The following WTAP variants were observed in gnomAD, a reference collection of about 807,000 sequenced individuals.
The protein encoded by WTAP is pre-mRNA-splicing regulator WTAP.
WTAP carries 8 observed loss-of-function variants against 50.0 expected under a neutral mutation model. The ratio of observed to expected loss-of-function variants is 0.16; its 90% CI spans 0.09 to 0.29. WTAP has a LOEUF of 0.29. Ranked by LOEUF, WTAP falls within the 10% of genes least tolerant of loss-of-function variation. The pLI is 1.00. For missense variants in WTAP, 295 were observed against 470.7 expected (o/e 0.63, Z 3.45); for synonymous variants, 194 against 169.0 (o/e 1.15, Z -1.15).
upstream of WTAP, chr6:159,727,374 T>TGGCAGGAGGCGAGAGGCGGGA: frequency 9.7e-7 from 1 of 1,032,510 alleles, no homozygotes; most frequent in Non-Finnish European, 1.2e-6. Flanking sequence ...GCGGGGAGGC[T>TGGCAGGAGGCGAGAGGCGGGA]GGCGGGAGGC....
intron 6 of WTAP, 133 bp from the exon 7 acceptor site, chr6:159,753,327 G>T: frequency 8.0e-7 from 1 of 1,254,336 alleles, no homozygotes; most frequent in East Asian, 2.5e-5. Context: ...CAGAAAAGAA[G>T]ATGGTAATTA....
Position 159,743,657 on chromosome 6 carries a change from A to C in WTAP, c.146-8A>C, listed in dbSNP as rs1199939691. 3 of 1,582,910 alleles carry C rather than the reference A, an allele frequency of 1.9e-6. No homozygotes were observed. The highest frequency in any genetic ancestry group is 1.4e-5 in the African/African-American group (1 of 73,100). ...AATTGTATTTATAATTTTTTTTTGA[A>C]TCATCAGCTAATGATGTAACTGGCC... On this transcript the variant is annotated splice_polypyrimidine_tract_variant and splice_region_variant and intron_variant, in intron 4 of 7. Transcript: ENST00000621533.
intron 2 of WTAP, among the ~76,000 whole-genome samples, chr6:159,738,522 T>C (rs1779055805): frequency 6.6e-6 from 1 of 152,236 alleles, no homozygotes; most frequent in Non-Finnish European, 1.5e-5. Context: ...TTTTTAGCTT[T>C]TACAAGTAAA....
upstream of WTAP, chr6:159,726,735 A>C (rs1031241992): frequency 6.3e-6 from 8 of 1,279,698 alleles, no homozygotes; most frequent in Admixed American, 1.9e-4. Flanking sequence ...GCCAGAGAAC[A>C]ATAGCTCCTC....
At chr6:159,730,134 TATTA>T (rs1379943516) in intron 1 of WTAP, among the ~76,000 whole-genome samples, 2 of 152,306 alleles carry the variant, frequency 1.3e-5, no homozygotes, top group South Asian at 2.1e-4. Flanking sequence ...ACCCCCAATT[TATTA>T]ATTAATAGCT....
intron 1 of WTAP, among the ~76,000 whole-genome samples, chr6:159,728,187 C>T (rs1778333574): frequency 6.6e-6 from 1 of 152,208 alleles, no homozygotes; most frequent in South Asian, 2.1e-4. Flanking sequence ...TGAGTATAAG[C>T]ATTCTGAGGA....
intron 1 of WTAP, among the ~76,000 whole-genome samples, chr6:159,733,742 C>T (rs1441703919): frequency 3.3e-5 from 5 of 151,992 alleles, no homozygotes; most frequent in South Asian, 2.1e-4. Context: ...GGAGAAACCC[C>T]GTCTCTACTA....
At chr6:159,743,565 G>A in intron 4 of WTAP, 100 bp from the exon 5 acceptor site, 1 of 1,158,200 alleles carries the variant, frequency 8.6e-7, no homozygotes, top group African/African-American at 1.6e-5. Context: ...GGAAACTAAA[G>A]ACTTGATTAA....
Position 159,755,749 on chromosome 6 carries a change from GTTTTTTTTTTCTTTTCTTTTTTTTTT to G in WTAP, c.*149_*174del. The G allele has an allele frequency of 3.1e-6, 1 of 317,904 alleles. No homozygotes were observed. 19.7% of individuals were successfully genotyped at this position (317,904 alleles called of 1,614,324 possible). On this transcript the variant is annotated 3_prime_UTR_variant, in exon 8 of 8. Transcript: ENST00000621533. ...TTTTTTTTTGTTGTTTTTTTTCTTT[GTTTTTTTTTTCTTTTCTTTTTTTTTT>G]TTTTTTTTTTTTTTTGCTTCAATAC...
chr6:159,737,533 G>A (rs975343872), intron 2 of WTAP, among the ~76,000 whole-genome samples: 1 of 151,848 alleles, frequency 6.6e-6, no homozygotes, highest in Non-Finnish European at 1.5e-5. Flanking sequence ...TCACTCTGTT[G>A]CCCATGCTGG....
chr6:159,736,876 T>A lies in WTAP; in HGVS notation c.30+581T>A, dbSNP rs117617813. On this transcript the variant is annotated intron_variant, in intron 2 of 7. Coordinates refer to ENST00000621533, the MANE Select transcript of WTAP (RefSeq NM_001270531.2). ...CTGTTATAAAAGAGGTAACATCGTC[T>A]CTAGGAGGAATTTGTGATTCAATTG... Among the ~76,000 whole-genome samples the A allele has an allele frequency of 1.6e-4, 25 of 152,288 alleles. No homozygotes were observed. The South Asian group carries it at 3.7e-3, about 23-fold the overall frequency.
intron 2 of WTAP, 38 bp from the exon 3 acceptor site, chr6:159,738,952 G>A: frequency 1.3e-6 from 2 of 1,526,300 alleles, no homozygotes; most frequent in East Asian, 4.6e-5. Flanking sequence ...TGTGTCTTCA[G>A]GAAGAACACT....
chr6:159,747,476 G>A (rs559459028), intron 5 of WTAP, among the ~76,000 whole-genome samples: 1 of 152,174 alleles, frequency 6.6e-6, no homozygotes, highest in East Asian at 1.9e-4. Flanking sequence ...TATTCAGAAG[G>A]GGAAAAATAT....
upstream of WTAP, chr6:159,727,425 G>A: frequency 1.7e-6 from 2 of 1,163,734 alleles, no homozygotes; most frequent in Non-Finnish European, 2.2e-6. Context: ...GGCCTGCGGC[G>A]CGTTCGGACC....
chr6:159,739,340 A>G (rs1779103979), intron 3 of WTAP, among the ~76,000 whole-genome samples: 1 of 152,208 alleles, frequency 6.6e-6, no homozygotes, highest in East Asian at 1.9e-4. Context: ...AGATGCACTT[A>G]TATTTATGGA....
intron 3 of WTAP, among the ~76,000 whole-genome samples, chr6:159,739,955 G>A (rs1779150067): frequency 1.4e-5 from 2 of 144,512 alleles, no homozygotes; most frequent in Admixed American, 1.5e-4. Flanking sequence ...TCTGTCTTAT[G>A]CTGAAGTATA....
chr6:159,727,288 G>A (rs943960716), upstream of WTAP: 6 of 1,282,602 alleles, frequency 4.7e-6, no homozygotes, highest in Non-Finnish European at 4.1e-6. Context: ...GGCGGGGTTC[G>A]GCGGCGGGCG....
intron 6 of WTAP, among the ~76,000 whole-genome samples, chr6:159,750,922 T>A (rs1779797179): frequency 1.3e-5 from 2 of 152,240 alleles, no homozygotes; most frequent in East Asian, 3.8e-4. Context: ...GTGTCTTCGC[T>A]TTACTGTTTT....
At chr6:159,742,062 CTAATG>C (rs1313527372) in intron 3 of WTAP, 21 bp from the exon 4 acceptor site, 1 of 1,528,252 alleles carries the variant, frequency 6.5e-7, no homozygotes, top group Non-Finnish European at 9.0e-7. Flanking sequence ...ATCGTAACAA[CTAATG>C]TATGGATTTT....
Sources: allele counts gnomAD v4.1 joint callset (sites outside exome capture counted in the v4.1 genomes callset), GRCh38; gene constraint gnomAD v4.1.1; transcripts MANE v1.5; gene names NCBI Gene and HGNC (gene_info 2026-07-23, HGNC 2026-07-21).